Variants in CLPB observed in about 807,000 individuals in gnomAD.
The protein encoded by CLPB is ClpB family mitochondrial disaggregase.
CLPB carries 40 observed loss-of-function variants against 78.4 expected under a neutral mutation model. The ratio of observed to expected loss-of-function variants is 0.51; its 90% CI spans 0.40 to 0.66. The LOEUF is 0.66. Ranked by LOEUF, CLPB falls within the 30% of genes least tolerant of loss-of-function variation. The pLI is 0.00. For missense variants in CLPB, 780 were observed against 886.9 expected (o/e 0.88, Z 1.53); for synonymous variants, 333 against 348.0 (o/e 0.96, Z 0.48).
At position 72,342,529 on chromosome 11, in the gene CLPB, C is replaced by G. The variant is rs996036515; in HGVS notation, c.776-12725G>C. 2.0e-5 allele frequency among the ~76,000 whole-genome samples: 3 copies of G among 152,116 alleles called. No homozygotes were observed. In the East Asian group the frequency reaches 5.8e-4, roughly 29 times the overall value. ...AAGTCGTGGGCTTTCAAGAGGCCAGCCCTACTCCTCCTTATCCCCACAGTA... is the reference window on the plus strand; with the variant it reads ...AAGTCGTGGGCTTTCAAGAGGCCAGGCCTACTCCTCCTTATCCCCACAGTA... On this transcript the variant is annotated intron_variant, in intron 5 of 15. Coordinates refer to ENST00000538039, the MANE Select transcript of CLPB (RefSeq NM_001258392.3).
At chr11:72,361,013 T>C (rs930300642) in intron 4 of CLPB, among the ~76,000 whole-genome samples, 7 of 152,172 alleles carry the variant, frequency 4.6e-5, no homozygotes, top group Admixed American at 3.3e-4. Context: ...TGGCTCTTAT[T>C]CCATCCTGTT....
At chr11:72,374,972 C>A (rs193289727) in intron 4 of CLPB, among the ~76,000 whole-genome samples, 10 of 152,336 alleles carry the variant, frequency 6.6e-5, no homozygotes, top group African/African-American at 2.2e-4. Context: ...ACCCACATAT[C>A]TAACTATTCA....
intron 2 of CLPB, among the ~76,000 whole-genome samples, chr11:72,407,426 T>C (rs1004574240): frequency 6.6e-6 from 1 of 152,258 alleles, no homozygotes; most frequent in Non-Finnish European, 1.5e-5. Context: ...CTAACAATTT[T>C]GAGCTATTTG....
chr11:72,403,815 C>T (rs1389748395), intron 2 of CLPB, among the ~76,000 whole-genome samples: 1 of 152,124 alleles, frequency 6.6e-6, no homozygotes, highest in Non-Finnish European at 1.5e-5. Context: ...AAGTATCCCA[C>T]TAAAAGTCTG....
chr11:72,375,631 G>A (rs1854666452), intron 4 of CLPB, among the ~76,000 whole-genome samples: 1 of 152,188 alleles, frequency 6.6e-6, no homozygotes, highest in Non-Finnish European at 1.5e-5. Flanking sequence ...CAGCAGTGCT[G>A]CCTACATACT....
intron 11 of CLPB, 70 bp downstream of exon 11, chr11:72,301,733 C>A: frequency 6.5e-7 from 1 of 1,528,260 alleles, no homozygotes. Context: ...TGGGCCCTTG[C>A]TTTCTGCTGT....
At chr11:72,385,215 A>C (rs1236813539) in intron 3 of CLPB, among the ~76,000 whole-genome samples, 1 of 152,202 alleles carries the variant, frequency 6.6e-6, no homozygotes, top group Non-Finnish European at 1.5e-5. Flanking sequence ...TTGCAATTAC[A>C]AAAATCACTC....
intron 11 of CLPB, among the ~76,000 whole-genome samples, chr11:72,301,018 T>G (rs1590762948): frequency 6.6e-6 from 1 of 152,220 alleles, no homozygotes; most frequent in African/African-American, 2.4e-5. Flanking sequence ...AGCTGTGGCC[T>G]TAGGCATGTC....
intron 6 of CLPB, among the ~76,000 whole-genome samples, chr11:72,324,773 C>A (rs1950102832): frequency 6.6e-6 from 1 of 152,070 alleles, no homozygotes; most frequent in East Asian, 1.9e-4. Flanking sequence ...AGAACATAAT[C>A]CTCCTACCCT....
At chr11:72,316,705 T>A (rs1387300354) in intron 7 of CLPB, among the ~76,000 whole-genome samples, 1 of 152,250 alleles carries the variant, frequency 6.6e-6, no homozygotes, top group Non-Finnish European at 1.5e-5. Context: ...GGGACATAAG[T>A]TCTGGCTCAG....
At chr11:72,359,043 AACG>A in intron 4 of CLPB, 35 bp from the exon 5 acceptor site, 1 of 1,611,292 alleles carries the variant, frequency 6.2e-7, no homozygotes. Flanking sequence ...TTCCATTAGC[AACG>A]ACAGCATGAG....
intron 11 of CLPB, among the ~76,000 whole-genome samples, chr11:72,301,130 G>C (rs952389377): frequency 6.6e-6 from 1 of 152,170 alleles, no homozygotes; most frequent in Non-Finnish European, 1.5e-5. Context: ...GAGGATTAGT[G>C]ATAATGGCTG....
chr11:72,385,009 A>G (rs1008900270), intron 3 of CLPB, among the ~76,000 whole-genome samples: 1 of 152,232 alleles, frequency 6.6e-6, no homozygotes, highest in Non-Finnish European at 1.5e-5. Context: ...ACCAATAAGG[A>G]AATGTCTGAC....
chr11:72,318,920 A>C (rs1949997610), intron 6 of CLPB, among the ~76,000 whole-genome samples: 1 of 152,192 alleles, frequency 6.6e-6, no homozygotes. Flanking sequence ...AGCCCCGCTC[A>C]GCACTTAGGT....
intron 11 of CLPB, among the ~76,000 whole-genome samples, chr11:72,299,610 G>A (rs768222857): frequency 3.3e-5 from 5 of 152,154 alleles, no homozygotes; most frequent in African/African-American, 4.8e-5. Flanking sequence ...CCCTTTGAAG[G>A]TTTGCTAACT....
chr11:72,307,682 T>C (rs1473128635), intron 8 of CLPB, among the ~76,000 whole-genome samples: 3 of 151,858 alleles, frequency 2.0e-5, no homozygotes, highest in Non-Finnish European at 4.4e-5. Context: ...AGATAGAGGG[T>C]GGGAGGGGCT....
intron 3 of CLPB, among the ~76,000 whole-genome samples, chr11:72,401,808 C>T (rs542113418): frequency 4.6e-5 from 7 of 152,312 alleles, no homozygotes; most frequent in Admixed American, 6.5e-5. Context: ...TTAATTCTTT[C>T]GCACAATCAT....
chr11:72,326,095 A>C (rs1950129217), intron 6 of CLPB, among the ~76,000 whole-genome samples: 1 of 152,184 alleles, frequency 6.6e-6, no homozygotes, highest in African/African-American at 2.4e-5. Flanking sequence ...GGTAACAAGA[A>C]CTACTTCACA....
At chr11:72,327,755 G>A (rs1950156127) in intron 6 of CLPB, among the ~76,000 whole-genome samples, 1 of 152,208 alleles carries the variant, frequency 6.6e-6, no homozygotes, top group Non-Finnish European at 1.5e-5. Flanking sequence ...ACAGTGCTGA[G>A]GGATTTCCTT....
Sources: gnomAD v4.1 joint callset for allele counts (sites outside exome capture counted in the v4.1 genomes callset) on GRCh38, gnomAD v4.1.1 for gene constraint, MANE v1.5 for transcripts, NCBI Gene and HGNC (gene_info 2026-07-23, HGNC 2026-07-21) for gene names.